The following TBC1D12 variants were observed in gnomAD, a reference collection of about 807,000 sequenced individuals.
TBC1D12 encodes the protein TBC1 domain family member 12.
In TBC1D12, 56 loss-of-function variants were observed where a neutral mutation model predicts 86.7. The ratio of observed to expected loss-of-function variants is 0.65; its 90% CI spans 0.52 to 0.81. The LOEUF (loss-of-function observed/expected upper bound fraction) is 0.81. Among genes scored for constraint, TBC1D12 ranks in the 30% least tolerant of loss-of-function variants. The probability of loss-of-function intolerance (pLI) is 0.00; values close to 1 mark genes in which losing one functional copy is unlikely to be tolerated. For synonymous variants in TBC1D12, 421 were observed against 411.7 expected (o/e 1.02, Z -0.27); for missense variants, 1,023 against 1,038.8 (o/e 0.98, Z 0.21).
chr10:94,412,853 G>C (rs927549494), intron 1 of TBC1D12, among the ~76,000 whole-genome samples: 6 of 152,176 alleles, frequency 3.9e-5, no homozygotes, highest in Non-Finnish European at 8.8e-5. Flanking sequence ...TAGTTGCTTG[G>C]ACCCTACTAC....
intron 11 of TBC1D12, among the ~76,000 whole-genome samples, chr10:94,527,287 A>G (rs1842316955): frequency 6.6e-6 from 1 of 151,936 alleles, no homozygotes; most frequent in South Asian, 2.1e-4. Context: ...ACGGGGTCTC[A>G]CCATGTTGGC....
chr10:94,481,121 T>C (rs11187975), intron 3 of TBC1D12, among the ~76,000 whole-genome samples: 4,065 of 150,466 alleles, frequency 0.027, 83 homozygotes, highest in Non-Finnish European at 0.044. Flanking sequence ...GCTGTAAACA[T>C]GTCCTGTCAT....
chr10:94,495,268 C>T (rs1159390347), intron 4 of TBC1D12, among the ~76,000 whole-genome samples: 1 of 152,166 alleles, frequency 6.6e-6, no homozygotes, highest in Non-Finnish European at 1.5e-5. Flanking sequence ...AAGTGATCCA[C>T]CTGCCTTGGC....
In TBC1D12 at chr10:94,534,363, G is replaced by A. The variant is rs1187442323; in HGVS notation, c.*1267G>A. Reference sequence around the variant, plus strand: ...ACCTCACTATCCGCTAGTCTAGATAGTGACTCTTTGGAAAATTGGTAGCCT... The same window carrying A: ...ACCTCACTATCCGCTAGTCTAGATAATGACTCTTTGGAAAATTGGTAGCCT... On this transcript the variant is annotated 3_prime_UTR_variant, in exon 13 of 13. Transcript: ENST00000225235. The A allele has an allele frequency of 1.3e-5, 2 of 152,166 alleles. No homozygotes were observed. The highest frequency in any genetic ancestry group is 3.9e-4 in the East Asian group (2 of 5,194). 9.4% of individuals were successfully genotyped at this position (152,166 alleles called of 1,614,324 possible). A position where few individuals can be genotyped will look rare whatever the true frequency, so the allele number is the denominator to read the frequency against.
chr10:94,446,310 AGAATGTTAG>A (rs2055461170), intron 2 of TBC1D12, among the ~76,000 whole-genome samples: 1 of 152,220 alleles, frequency 6.6e-6, no homozygotes, highest in Admixed American at 6.5e-5. Context: ...AAAGCCATGA[AGAATGTTAG>A]GACACTTCTG....
At chr10:94,452,118 A>G (rs1037601146) in intron 2 of TBC1D12, among the ~76,000 whole-genome samples, 1 of 151,134 alleles carries the variant, frequency 6.6e-6, no homozygotes, top group African/African-American at 2.4e-5. Flanking sequence ...ATATTTAAAT[A>G]TATGTATTTA....
intron 2 of TBC1D12, among the ~76,000 whole-genome samples, chr10:94,453,384 C>A (rs989654787): frequency 6.6e-6 from 1 of 151,984 alleles, no homozygotes; most frequent in African/African-American, 2.4e-5. Flanking sequence ...ATTTTGTGTG[C>A]ATGTATGTCT....
At chr10:94,421,210 C>T (rs1183523760) in intron 1 of TBC1D12, among the ~76,000 whole-genome samples, 1 of 152,104 alleles carries the variant, frequency 6.6e-6, no homozygotes, top group Non-Finnish European at 1.5e-5. Context: ...CCTCTGGTAA[C>T]CACTATTCTA....
chr10:94,467,860 A>G (rs745947342), intron 2 of TBC1D12, among the ~76,000 whole-genome samples: 11 of 152,316 alleles, frequency 7.2e-5, no homozygotes, highest in African/African-American at 2.2e-4. Flanking sequence ...TGTAGAGACA[A>G]TGTCTCACTA....
chr10:94,479,267 A>C (rs755871916), intron 3 of TBC1D12, among the ~76,000 whole-genome samples: 3 of 152,196 alleles, frequency 2.0e-5, no homozygotes, highest in Non-Finnish European at 2.9e-5. Flanking sequence ...TACCCAGAGT[A>C]CAATATCACT....
intron 5 of TBC1D12, 88 bp from the exon 6 acceptor site, chr10:94,500,133 G>T: frequency 8.8e-7 from 1 of 1,138,444 alleles, no homozygotes; most frequent in Non-Finnish European, 1.3e-6. Flanking sequence ...TTGATCACTT[G>T]GCCATAGACT....
At chr10:94,406,303 A>C (rs886246500) in intron 1 of TBC1D12, among the ~76,000 whole-genome samples, 2 of 152,230 alleles carry the variant, frequency 1.3e-5, no homozygotes, top group African/African-American at 4.8e-5. Flanking sequence ...GTGTCAGAGC[A>C]CTGGATTTGA....
At chr10:94,444,640 G>A (rs2055428024) in intron 2 of TBC1D12, among the ~76,000 whole-genome samples, 1 of 151,822 alleles carries the variant, frequency 6.6e-6, no homozygotes. Flanking sequence ...ATAAGTCTCT[G>A]AATAAATTAC....
At chr10:94,530,725 A>G (rs1028369813) in intron 11 of TBC1D12, among the ~76,000 whole-genome samples, 3 of 152,036 alleles carry the variant, frequency 2.0e-5, no homozygotes, top group African/African-American at 7.2e-5. Flanking sequence ...CATAGCTCAT[A>G]CCCTTAACTA....
chr10:94,403,195 G>A lies in TBC1D12; in HGVS notation c.582G>A (p.Pro194=), dbSNP rs769605311. 37 of 1,498,488 alleles carry A rather than the reference G, an allele frequency of 2.5e-5. No individual in the cohort carries two copies. Among genetic ancestry groups the A allele is most frequent in the Middle Eastern group, 4.7e-4 (2 of 4,284 alleles). The allele number at this position is 1,498,488 out of a possible 1,614,324, so 92.8% of individuals were successfully genotyped here. The change falls in exon 1 of 13, where the codon CCG becomes CCA. Residue 194 remains proline, a synonymous_variant. Coordinates refer to ENST00000225235, the MANE Select transcript of TBC1D12 (RefSeq NM_015188.2). ...GAGSPSDWAS[P]LEDPLRSCCL... ...GAAGCCCGTCCGATTGGGCCTCTCC[G>A]CTTGAGGACCCGCTGCGGAGCTGCT...
chr10:94,467,655 C>CTT (rs34441108), intron 2 of TBC1D12, among the ~76,000 whole-genome samples: 5 of 151,792 alleles, frequency 3.3e-5, no homozygotes, highest in African/African-American at 4.8e-5. Context: ...CACTCCCCCT[C>CTT]TTTTTTTTAA....
chr10:94,416,152 C>G (rs1002955809), intron 1 of TBC1D12, among the ~76,000 whole-genome samples: 1 of 152,102 alleles, frequency 6.6e-6, no homozygotes, highest in African/African-American at 2.4e-5. Flanking sequence ...CTGGGTTTCA[C>G]CTGTGCTACT....
chr10:94,410,880 T>C (rs778052041), intron 1 of TBC1D12, among the ~76,000 whole-genome samples: 2 of 152,174 alleles, frequency 1.3e-5, no homozygotes, highest in African/African-American at 4.8e-5. Flanking sequence ...ATCTATGAAA[T>C]TGGGAGATTC....
chr10:94,531,599 T>A, intron 12 of TBC1D12, 139 bp downstream of exon 12: 2 of 725,120 alleles, frequency 2.8e-6, no homozygotes, highest in South Asian at 5.0e-5. Flanking sequence ...AGCAAGAGTT[T>A]AAATCAAATT....
Sources: allele counts gnomAD v4.1 joint callset (sites outside exome capture counted in the v4.1 genomes callset), GRCh38; gene constraint gnomAD v4.1.1; transcripts MANE v1.5; gene names NCBI Gene and HGNC (gene_info 2026-07-23, HGNC 2026-07-21).